MMP10: variants seen among roughly 807,000 people sequenced by gnomAD.
MMP10 encodes the protein stromelysin-2.
Under a neutral mutation model 49.1 loss-of-function variants are expected in MMP10, and 50 were observed. The observed-to-expected ratio is 1.02, with a 90% CI of 0.81 to 1.29. MMP10 has a LOEUF of 1.29. Among genes scored for constraint, MMP10 ranks in the 50% most tolerant of loss-of-function variants. MMP10 has a pLI of 0.00. For missense variants in MMP10, 613 were observed against 563.8 expected, an observed-to-expected ratio of 1.09 and a Z score of -0.88; for synonymous variants, 229 against 201.6, an observed-to-expected ratio of 1.14 and a Z score of -1.15.
At chr11:102,774,927 A>G (rs539158601) in intron 7 of MMP10, among the ~76,000 whole-genome samples, 2 of 152,292 alleles carry the variant, frequency 1.3e-5, no homozygotes, top group South Asian at 4.1e-4. Context: ...GGCATTTGGT[A>G]TTTGAAATGA....
chr11:102,773,047 T>A, intron 7 of MMP10, 41 bp from the exon 8 acceptor site: 1 of 1,553,126 alleles, frequency 6.4e-7, no homozygotes, highest in Non-Finnish European at 8.7e-7. Context: ...CTTGAAGCCA[T>A]TGATTTTAAA....
chr11:102,773,293 T>C (rs971618254), intron 7 of MMP10, among the ~76,000 whole-genome samples: 1 of 152,222 alleles, frequency 6.6e-6, no homozygotes, highest in African/African-American at 2.4e-5. Context: ...TAATTGTTGG[T>C]AAACTTTTAA....
At position 102,779,606 on chromosome 11, in the gene MMP10, G is replaced by A. The variant is rs755332578; in HGVS notation, c.245C>T (p.Thr82Ile). The change falls in exon 2 of 10, where the codon ACT becomes ATT. Residue 82 changes from threonine (T) to isoleucine (I), a missense_variant. Transcript: ENST00000279441. Reference sequence around the variant, plus strand: ...CCTGGGCTTGCGCATCACCTCCAGAGTGTCAGTGTCTAGCTTCCCTGTCAC... The same window carrying A: ...CCTGGGCTTGCGCATCACCTCCAGAATGTCAGTGTCTAGCTTCCCTGTCAC... Reference protein sequence around the residue: ...LEVTGKLDTDTLEVMRKPRCG... With the variant: ...LEVTGKLDTDILEVMRKPRCG... 2.5e-6 allele frequency: 4 copies of A among 1,614,076 alleles called. No individual in the cohort carries two copies. Among genetic ancestry groups the A allele is most frequent in the South Asian group, 1.1e-5 (1 of 91,078 alleles).
chr11:102,777,212 C>T (rs1455536901), intron 4 of MMP10, among the ~76,000 whole-genome samples: 2 of 152,096 alleles, frequency 1.3e-5, no homozygotes, highest in East Asian at 1.9e-4. Context: ...ATAACATTTA[C>T]GTTCAAACTT....
intron 9 of MMP10, among the ~76,000 whole-genome samples, chr11:102,771,299 C>A (rs1485683033): frequency 1.3e-5 from 2 of 152,174 alleles, no homozygotes; most frequent in African/African-American, 4.8e-5. Flanking sequence ...TTCTAAATTA[C>A]AGTTTGGGAG....
chr11:102,776,624 G>A lies in MMP10; in HGVS notation c.775C>T (p.Gln259Ter). Reference protein sequence around the residue: ...RLSQDDVNGIQSLYGPPPAST... With the variant: ...RLSQDDVNGI ...CAGCATCACTCACCGTAGAGAGACT[G>A]AATGCCATTCACATCATCTTGCGAA... The change falls in exon 5 of 10, where the codon CAG (glutamine) becomes TAG (stop). Residue 259 changes from glutamine to a stop codon, truncating the protein, a stop_gained. Transcript: ENST00000279441. LOFTEE classifies it high-confidence loss of function. The A allele has an allele frequency of 1.2e-6, 2 of 1,613,166 alleles. No individual in the cohort carries two copies. The highest frequency in any genetic ancestry group is 8.5e-7 in the Non-Finnish European group (1 of 1,179,726).
At chr11:102,774,955 A>G (rs1030613511) in intron 7 of MMP10, among the ~76,000 whole-genome samples, 4 of 152,212 alleles carry the variant, frequency 2.6e-5, no homozygotes, top group African/African-American at 9.6e-5. Context: ...TTGTATCTAT[A>G]GATAAATTGA....
In MMP10 at chr11:102,779,627, G is replaced by A; in HGVS notation, c.224C>T (p.Thr75Ile). 2 of 1,614,006 alleles carry A rather than the reference G, an allele frequency of 1.2e-6. No homozygotes were observed. Among genetic ancestry groups the A allele is most frequent in the Non-Finnish European group, 1.7e-6 (2 of 1,180,000 alleles). ...CAGAGTGTCAGTGTCTAGCTTCCCT[G>A]TCACCTCCAACCCAAGGAACTTCTG... is the stretch of plus-strand genomic sequence containing the variant. ...GMQKFLGLEV[T>I]GKLDTDTLEV... Residue 75 changes from threonine (T) to isoleucine (I), a missense_variant, in exon 2 of 10, where the codon ACA becomes ATA. Coordinates refer to ENST00000279441, the MANE Select transcript of MMP10 (RefSeq NM_002425.3).
chr11:102,773,386 T>G (rs1400527894), intron 7 of MMP10, among the ~76,000 whole-genome samples: 1 of 152,220 alleles, frequency 6.6e-6, no homozygotes, highest in Non-Finnish European at 1.5e-5. Flanking sequence ...TTTGAGATAT[T>G]TCACAGTCAC....
rs544399945 is a variant in MMP10 at position 102,779,104 on chromosome 11, T to C, written c.496+109A>G. The C allele has an allele frequency of 1.4e-4, 208 of 1,476,208 alleles. 1 individual carries two copies. In the East Asian group the frequency reaches 4.7e-3, roughly 33 times the overall value. 91.4% of individuals were successfully genotyped at this position (1,476,208 alleles called of 1,614,324 possible). On this transcript the variant is annotated intron_variant, in intron 3 of 9. Transcript: ENST00000279441. ...ATCTTGGACTTCCCAGCCTCCAGAA[T>C]TGTGAGCAATAAATTTCTGTTGTTT... is the stretch of plus-strand genomic sequence containing the variant.
At chr11:102,776,153 T>C (rs1019041107) in intron 6 of MMP10, 127 bp downstream of exon 6, 21 of 765,224 alleles carry the variant, frequency 2.7e-5, no homozygotes, top group Middle Eastern at 3.8e-4. Flanking sequence ...AGTTTATCTA[T>C]ATAACAAACC....
Position 102,772,854 on chromosome 11 carries a change from A to AT in MMP10, c.1218dup (p.Tyr407IlefsTer5). The AT allele has an allele frequency of 6.2e-7, 1 of 1,609,756 alleles. No homozygotes were observed. Among genetic ancestry groups the AT allele is most frequent in the Non-Finnish European group, 8.5e-7 (1 of 1,178,634 alleles). On this transcript the variant is annotated frameshift_variant, in exon 8 of 10. Transcript: ENST00000279441. LOFTEE classifies it high-confidence loss of function. The surrounding 1 kb of genome is among the most constrained non-coding windows in gnomAD (Gnocchi z 4.4). ...ATTTCTCTTGCATCTCACCTCCAGTATTTGTCCGCTGCAAAGAAGTATGTT... is the reference window on the plus strand; with the variant it reads ...ATTTCTCTTGCATCTCACCTCCAGTATTTTGTCCGCTGCAAAGAAGTATGTT...
At chr11:102,778,232 C>A (rs1857773243) in intron 4 of MMP10, among the ~76,000 whole-genome samples, 1 of 151,734 alleles carries the variant, frequency 6.6e-6, no homozygotes, top group East Asian at 1.9e-4. Context: ...AAAAGGAGGC[C>A]AATGAGAAGA....
Position 102,770,903 on chromosome 11 carries a change from T to C in MMP10, c.1331-10A>G, listed in dbSNP as rs376165987. ...AAGAAGTAGAAAAATCCTGTAAATA[T>C]AGATAAGGAAAATGATGAGACATCT... On this transcript the variant is annotated splice_polypyrimidine_tract_variant and intron_variant, in intron 9 of 9. Transcript: ENST00000279441. The C allele has an allele frequency of 2.6e-6, 4 of 1,562,320 alleles. No individual in the cohort carries two copies. The highest frequency in any genetic ancestry group is 3.5e-6 in the Non-Finnish European group (4 of 1,137,234).
In MMP10 at chr11:102,780,467, T is replaced by C. The variant is rs771957668; in HGVS notation, c.105+20A>G. 65 of 1,609,056 alleles carry C rather than the reference T, an allele frequency of 4.0e-5. No individual in the cohort carries two copies. The highest frequency in any genetic ancestry group is 1.3e-4 in the Admixed American group (8 of 59,872). On this transcript the variant is annotated intron_variant, in intron 1 of 9. Transcript: ENST00000279441. ...CAATTGAGCTGGCCAGTAGCTGCAA[T>C]AGATGCCACCGTTAATTACCTGGGC...
intron 3 of MMP10, among the ~76,000 whole-genome samples, chr11:102,779,007 C>A (rs553758776): frequency 1.1e-4 from 17 of 152,296 alleles, no homozygotes; most frequent in African/African-American, 4.1e-4. Flanking sequence ...CCCTTTCTAT[C>A]GTGTGAGGAC....
chr11:102,772,761 G>T lies in MMP10; in HGVS notation c.1226+86C>A. On this transcript the variant is annotated intron_variant, in intron 8 of 9. Transcript: ENST00000279441. The surrounding 1 kb of genome is among the most constrained non-coding windows in gnomAD (Gnocchi z 4.4). ...TTGAAGTTAGAGAAAGTTAGAGGGTGGGTGTAGGGTAGGGAAATATCCTTA... is the reference window on the plus strand; with the variant it reads ...TTGAAGTTAGAGAAAGTTAGAGGGTTGGTGTAGGGTAGGGAAATATCCTTA... 1 of 1,329,516 alleles carries T rather than the reference G, an allele frequency of 7.5e-7. No individual in the cohort carries two copies. The highest frequency in any genetic ancestry group is 1.0e-6 in the Non-Finnish European group (1 of 975,178). The allele number at this position is 1,329,516 out of a possible 1,614,324, so 82.4% of individuals were successfully genotyped here.
rs1055678409 is a variant in MMP10 at position 102,779,539 on chromosome 11, G to A, written c.312C>T (p.Gly104=). 16 of 1,614,022 alleles carry A rather than the reference G, an allele frequency of 9.9e-6. No individual in the cohort carries two copies. Among genetic ancestry groups the A allele is most frequent in the Admixed American group, 3.3e-5 (2 of 59,926 alleles). ...PDVGHFSSFP[G]MPKWRKTHLT... ...GGTGGGTTTTCCTCCACTTCGGCAT[G>A]CCAGGAAAGGAGCTGAAGTGACCAA... Residue 104 remains glycine, a synonymous_variant, in exon 2 of 10, where the codon GGC becomes GGT. Coordinates refer to ENST00000279441, the MANE Select transcript of MMP10 (RefSeq NM_002425.3).
At chr11:102,776,174 C>T in intron 6 of MMP10, 106 bp downstream of exon 6, 2 of 972,040 alleles carry the variant, frequency 2.1e-6, no homozygotes, top group Non-Finnish European at 3.0e-6. Context: ...TGCACATGTA[C>T]CCCTGAACCT....
Sources: allele counts gnomAD v4.1 joint callset (sites outside exome capture counted in the v4.1 genomes callset), GRCh38; gene constraint gnomAD v4.1.1; non-coding constraint Gnocchi (gnomAD v3.1); transcripts MANE v1.5; gene names NCBI Gene and HGNC (gene_info 2026-07-23, HGNC 2026-07-21).